The following MAGI2 variants were observed in gnomAD, a reference collection of about 807,000 sequenced individuals.
MAGI2 encodes membrane associated guanylate kinase, WW and PDZ domain containing 2.
Under a neutral mutation model 133.3 loss-of-function variants are expected in MAGI2, and 35 were observed. That is an observed-to-expected ratio of 0.26 (90% CI 0.20 to 0.35). The LOEUF (loss-of-function observed/expected upper bound fraction) is 0.35, where lower values mean the gene tolerates loss of function less well. Ranked by LOEUF, MAGI2 falls within the 10% of genes least tolerant of loss-of-function variation. MAGI2 has a pLI of 1.00. For missense variants in MAGI2, 1,636 were observed against 1,863.4 expected (o/e 0.88, Z 2.25); for synonymous variants, 729 against 710.6 (o/e 1.03, Z -0.41).
chr7:79,184,006 A>C (rs889654838), intron 1 of MAGI2, among the ~76,000 whole-genome samples: 2 of 151,764 alleles, frequency 1.3e-5, no homozygotes, highest in African/African-American at 2.4e-5. Context: ...GGGGGAAAGC[A>C]GAGAAGTTGA....
chr7:79,432,780 G>A (rs536254836), intron 1 of MAGI2, among the ~76,000 whole-genome samples: 137 of 152,190 alleles, frequency 9.0e-4, no homozygotes, highest in Non-Finnish European at 1.7e-3. Context: ...AGTGAGGTGT[G>A]CGATGGTGAT....
At chr7:78,054,013 A>T (rs1217477049) in intron 21 of MAGI2, among the ~76,000 whole-genome samples, 1 of 152,152 alleles carries the variant, frequency 6.6e-6, no homozygotes, top group Non-Finnish European at 1.5e-5. Context: ...TCTTTTATGG[A>T]TTGAGTTTAT....
In MAGI2 at chr7:78,044,718, C is replaced by T. The variant is rs1333911397; in HGVS notation, c.3707-24742G>A. Among the ~76,000 whole-genome samples the T allele has an allele frequency of 6.9e-5, 9 of 130,084 alleles. No individual in the cohort carries two copies. The East Asian group carries it at 1.0e-3, about 15-fold the overall frequency. 85.3% of individuals were successfully genotyped at this position (130,084 alleles called of 152,430 possible). On this transcript the variant is annotated intron_variant, in intron 21 of 21. Transcript: ENST00000354212. Reference sequence around the variant, plus strand: ...GTGTGTGTGTGTGCACGTGTGCACACGCAGTTGGCTCCCACTGAGAGATGG... The same window carrying T: ...GTGTGTGTGTGTGCACGTGTGCACATGCAGTTGGCTCCCACTGAGAGATGG...
intron 2 of MAGI2, among the ~76,000 whole-genome samples, chr7:78,713,911 G>T (rs1819452508): frequency 6.6e-6 from 1 of 152,026 alleles, no homozygotes; most frequent in African/African-American, 2.4e-5. Flanking sequence ...AACAAGTCTA[G>T]AATTCACAGT....
intron 1 of MAGI2, among the ~76,000 whole-genome samples, chr7:79,427,150 A>G (rs936186032): frequency 2.6e-5 from 4 of 152,198 alleles, no homozygotes; most frequent in Non-Finnish European, 5.9e-5. Context: ...TTCTTCATTC[A>G]ATAAATATTT....
In MAGI2 at chr7:78,241,882, C is replaced by T. The variant is rs549423442; in HGVS notation, c.2047+14061G>A. ...CCAGGAGGTGGAGGCTGCAGTGAGC[C>T]GAGATCATGCCACTGCACTCCAGCC... On this transcript the variant is annotated intron_variant, in intron 10 of 21. Transcript: ENST00000354212. Among the ~76,000 whole-genome samples, 144 of 151,248 alleles carry T rather than the reference C, an allele frequency of 9.5e-4. 1 individual carries two copies. Among genetic ancestry groups the T allele is most frequent in the Admixed American group, 9.0e-3 (137 of 15,178 alleles).
At chr7:78,718,878 G>A (rs899590254) in intron 2 of MAGI2, among the ~76,000 whole-genome samples, 1 of 152,128 alleles carries the variant, frequency 6.6e-6, no homozygotes, top group Admixed American at 6.5e-5. Flanking sequence ...GGGACATACG[G>A]TTGCCAGTGA....
At position 78,017,443 on chromosome 7, in the gene MAGI2, CAG is replaced by C. The variant is rs1807888188; in HGVS notation, c.*1870_*1871del. ...TTTTGTAATACATGGAAAATAAAGT[CAG>C]AGGATACAGTACCAGGACGTGCAGC... On this transcript the variant is annotated 3_prime_UTR_variant, in exon 22 of 22. Coordinates refer to ENST00000354212, the MANE Select transcript of MAGI2 (RefSeq NM_012301.4). 1 of 152,374 alleles carries C rather than the reference CAG, an allele frequency of 6.6e-6. No individual in the cohort carries two copies. The highest frequency in any genetic ancestry group is 2.4e-5 in the African/African-American group (1 of 41,418). The allele number at this position is 152,374 out of a possible 1,614,324, so 9.4% of individuals were successfully genotyped here.
At chr7:78,261,213 T>G (rs1793486722) in intron 9 of MAGI2, among the ~76,000 whole-genome samples, 1 of 152,150 alleles carries the variant, frequency 6.6e-6, no homozygotes, top group East Asian at 1.9e-4. Flanking sequence ...ATCTTTGTCT[T>G]CACCACCAAA....
chr7:78,244,278 T>TTAAA (rs1791521554), intron 10 of MAGI2, among the ~76,000 whole-genome samples: 3 of 151,660 alleles, frequency 2.0e-5, no homozygotes, highest in Admixed American at 2.0e-4. Context: ...TTAATTCTAT[T>TTAAA]TAAATACTTT....
At chr7:78,294,531 GATAA>G (rs1390198045) in intron 9 of MAGI2, among the ~76,000 whole-genome samples, 1 of 152,072 alleles carries the variant, frequency 6.6e-6, no homozygotes, top group Non-Finnish European at 1.5e-5. Flanking sequence ...ATGTTTGCTG[GATAA>G]ATAAACTTAC....
intron 1 of MAGI2, among the ~76,000 whole-genome samples, chr7:79,201,775 A>G (rs755512660): frequency 3.3e-5 from 5 of 151,996 alleles, no homozygotes; most frequent in Non-Finnish European, 4.4e-5. Flanking sequence ...TAAAAATAGA[A>G]CACTTTAAAA....
chr7:78,382,568 T>C (rs1420657759), intron 6 of MAGI2, among the ~76,000 whole-genome samples: 1 of 152,056 alleles, frequency 6.6e-6, no homozygotes, highest in Non-Finnish European at 1.5e-5. Flanking sequence ...TTGTGCAAAC[T>C]TATGGCATAC....
At chr7:78,171,885 T>G (rs1826140802) in intron 14 of MAGI2, among the ~76,000 whole-genome samples, 1 of 102,894 alleles carries the variant, frequency 9.7e-6, no homozygotes, top group Non-Finnish European at 2.0e-5. Context: ...AGGAGGGTTT[T>G]TTTGTTTGTT....
intron 2 of MAGI2, among the ~76,000 whole-genome samples, chr7:78,704,586 A>C (rs1253465988): frequency 6.6e-6 from 1 of 152,138 alleles, no homozygotes; most frequent in Non-Finnish European, 1.5e-5. Context: ...AAAGGTATAG[A>C]GACACATGCA....
chr7:79,334,778 A>G (rs926012479), intron 1 of MAGI2, among the ~76,000 whole-genome samples: 1 of 152,186 alleles, frequency 6.6e-6, no homozygotes. Context: ...GTAATTGATA[A>G]AGTGTAATGA....
At chr7:79,136,407 GA>G (rs1293909970) in intron 1 of MAGI2, among the ~76,000 whole-genome samples, 1 of 152,210 alleles carries the variant, frequency 6.6e-6, no homozygotes, top group Non-Finnish European at 1.5e-5. Flanking sequence ...AAGGCATTAA[GA>G]AAGACATGCA....
At chr7:78,986,966 C>T (rs1190189168) in intron 2 of MAGI2, among the ~76,000 whole-genome samples, 2 of 151,930 alleles carry the variant, frequency 1.3e-5, no homozygotes, top group East Asian at 3.9e-4. Context: ...CGATGGACAG[C>T]AGGGTCAGCC....
At chr7:79,326,854 C>T (rs984614222) in intron 1 of MAGI2, among the ~76,000 whole-genome samples, 4 of 152,194 alleles carry the variant, frequency 2.6e-5, no homozygotes, top group African/African-American at 7.2e-5. Flanking sequence ...GTCCTCTTTT[C>T]GGCATGATGA....
Sources: allele counts gnomAD v4.1 joint callset (sites outside exome capture counted in the v4.1 genomes callset), GRCh38; gene constraint gnomAD v4.1.1; transcripts MANE v1.5; gene names NCBI Gene and HGNC (gene_info 2026-07-23, HGNC 2026-07-21).